The following DAD1 variants were observed in gnomAD, a reference collection of about 807,000 sequenced individuals.
The protein encoded by DAD1 is defender against cell death 1, also known as dolichyl-diphosphooligosaccharide--protein glycosyltransferase subunit DAD1.
A neutral mutation model predicts 9.0 loss-of-function variants in DAD1; 4 were observed. The observed-to-expected ratio is 0.44, with a 90% confidence interval of 0.22 to 1.01. The LOEUF (loss-of-function observed/expected upper bound fraction) is 1.01. Among genes scored for constraint, DAD1 ranks in the 50% least tolerant of loss-of-function variants. The probability of loss-of-function intolerance (pLI) is 0.24; values close to 1 mark genes in which losing one functional copy is unlikely to be tolerated. For synonymous variants in DAD1, 60 were observed against 62.5 expected, an observed-to-expected ratio of 0.96 and a Z score of 0.19; for missense variants, 119 against 137.3, an observed-to-expected ratio of 0.87 and a Z score of 0.67.
At chr14:22,580,693 C>A (rs2037110277) in intron 1 of DAD1, among the ~76,000 whole-genome samples, 1 of 152,100 alleles carries the variant, frequency 6.6e-6, no homozygotes, top group South Asian at 2.1e-4. Flanking sequence ...CAGAGTCCCA[C>A]AAAGTTGGAA....
At chr14:22,580,824 CTCACCACTTACAGAA>C (rs907578850) in intron 1 of DAD1, among the ~76,000 whole-genome samples, 3 of 152,116 alleles carry the variant, frequency 2.0e-5, no homozygotes, top group African/African-American at 7.2e-5. Context: ...CCAAAGTATA[CTCACCACTTACAGAA>C]TCTGGTAAGC....
intron 1 of DAD1, among the ~76,000 whole-genome samples, chr14:22,575,631 T>A (rs2037071440): frequency 1.3e-5 from 2 of 152,184 alleles, no homozygotes; most frequent in South Asian, 4.1e-4. Context: ...CACTGCAATC[T>A]CCACCTGCTG....
intron 1 of DAD1, among the ~76,000 whole-genome samples, chr14:22,579,379 G>A (rs1488463358): frequency 1.3e-5 from 2 of 152,122 alleles, no homozygotes; most frequent in African/African-American, 4.8e-5. Context: ...TAATCCAAAG[G>A]CCAGAAAACT....
intron 2 of DAD1, among the ~76,000 whole-genome samples, chr14:22,568,008 T>C (rs1322622386): frequency 6.6e-6 from 1 of 152,216 alleles, no homozygotes; most frequent in Non-Finnish European, 1.5e-5. Context: ...AAGTTTAATA[T>C]TTTTAATGAA....
chr14:22,582,716 A>C (rs1390870347), intron 1 of DAD1, among the ~76,000 whole-genome samples: 6 of 151,792 alleles, frequency 4.0e-5, no homozygotes, highest in Non-Finnish European at 8.8e-5. Flanking sequence ...TCATTTAAAA[A>C]CACAACCGGC....
intron 2 of DAD1, chr14:22,567,020 G>T (rs564814383): frequency 5.6e-4 from 86 of 152,258 alleles, no homozygotes; most frequent in African/African-American, 2.0e-3. Flanking sequence ...AGGGCATAAA[G>T]GTTTCAGGAA....
rs1357632475 is a variant in DAD1, at chr14:22,575,075, A to G, written c.*28T>C. Reference sequence around the variant, plus strand: ...ATCACTTACATTCTTTTAGTCTCCTACTCCTCAATTAAGTAAATGAGAATG... The same window carrying G: ...ATCACTTACATTCTTTTAGTCTCCTGCTCCTCAATTAAGTAAATGAGAATG... On this transcript the variant is annotated 3_prime_UTR_variant, in exon 2 of 3. Transcript: ENST00000250498. 6.2e-7 allele frequency: 1 copy of G among 1,611,186 alleles called. No individual in the cohort carries two copies. The highest frequency in any genetic ancestry group is 8.5e-7 in the Non-Finnish European group (1 of 1,178,044).
chr14:22,573,530 G>A (rs572737267), intron 2 of DAD1, among the ~76,000 whole-genome samples: 9 of 152,038 alleles, frequency 5.9e-5, no homozygotes, highest in Non-Finnish European at 1.3e-4. Context: ...CTAACACGGT[G>A]AAACTCCGTC....
At chr14:22,586,023 G>A (rs1330194350) in intron 1 of DAD1, among the ~76,000 whole-genome samples, 3 of 152,022 alleles carry the variant, frequency 2.0e-5, no homozygotes, top group Non-Finnish European at 2.9e-5. Flanking sequence ...TGGCTAACAC[G>A]ATGAAACCCT....
At chr14:22,583,843 T>C (rs1230498932) in intron 1 of DAD1, among the ~76,000 whole-genome samples, 1 of 152,070 alleles carries the variant, frequency 6.6e-6, no homozygotes, top group East Asian at 1.9e-4. Flanking sequence ...TCTGTTATGA[T>C]TCAGTGGTGA....
intron 2 of DAD1, among the ~76,000 whole-genome samples, chr14:22,567,477 T>TA (rs1326306202): frequency 6.6e-6 from 1 of 152,212 alleles, no homozygotes; most frequent in Non-Finnish European, 1.5e-5. Context: ...TGTGTATTTC[T>TA]AAAAAATGAA....
At chr14:22,575,884 T>G (rs1318603389) in intron 1 of DAD1, among the ~76,000 whole-genome samples, 2 of 152,174 alleles carry the variant, frequency 1.3e-5, no homozygotes, top group African/African-American at 4.8e-5. Context: ...CCAAACCAGC[T>G]GGAACCTGGC....
At chr14:22,570,787 T>G (rs1039198209) in intron 2 of DAD1, among the ~76,000 whole-genome samples, 8 of 152,112 alleles carry the variant, frequency 5.3e-5, no homozygotes, top group African/African-American at 1.7e-4. Flanking sequence ...TGGTCTCCAT[T>G]ATAAAAACAA....
intron 1 of DAD1, among the ~76,000 whole-genome samples, chr14:22,582,071 G>A (rs1025908117): frequency 2.6e-5 from 4 of 152,030 alleles, no homozygotes; most frequent in East Asian, 1.9e-4. Context: ...GCCGGGTGCA[G>A]TGGCAGGCTC....
chr14:22,581,287 TAAAG>T (rs2037113639), intron 1 of DAD1, among the ~76,000 whole-genome samples: 1 of 152,094 alleles, frequency 6.6e-6, no homozygotes, highest in Non-Finnish European at 1.5e-5. Flanking sequence ...AACAGGATAA[TAAAG>T]AGTGACTGGG....
intron 1 of DAD1, among the ~76,000 whole-genome samples, chr14:22,578,820 CT>C (rs1041601998): frequency 2.0e-5 from 3 of 152,094 alleles, no homozygotes; most frequent in African/African-American, 7.2e-5. Context: ...AAAAATATTA[CT>C]TCTCAGAGTT....
intron 1 of DAD1, among the ~76,000 whole-genome samples, chr14:22,583,005 C>CAAAAAAAA (rs60692589): frequency 6.8e-4 from 62 of 91,634 alleles, no homozygotes; most frequent in African/African-American, 2.1e-3. Flanking sequence ...GACTATGTCT[C>CAAAAAAAA]AAAAAAAAAA....
chr14:22,571,129 C>A (rs2037036092), intron 2 of DAD1, among the ~76,000 whole-genome samples: 1 of 151,782 alleles, frequency 6.6e-6, no homozygotes, highest in African/African-American at 2.4e-5. Context: ...CAACACCAGC[C>A]TAGCCAACAG....
chr14:22,569,993 C>T (rs2037027445), intron 2 of DAD1, among the ~76,000 whole-genome samples: 1 of 152,062 alleles, frequency 6.6e-6, no homozygotes, highest in South Asian at 2.1e-4. Context: ...ATTAATCTCA[C>T]CTTCTAAACA....
Sources: allele counts gnomAD v4.1 joint callset (sites outside exome capture counted in the v4.1 genomes callset), GRCh38; gene constraint gnomAD v4.1.1; transcripts MANE v1.5; gene names NCBI Gene and HGNC (gene_info 2026-07-23, HGNC 2026-07-21).